The following CLSTN2 variants were observed in gnomAD, a reference collection of about 807,000 sequenced individuals.
CLSTN2 encodes the protein calsyntenin 2.
Under a neutral mutation model 101.2 loss-of-function variants are expected in CLSTN2, and 48 were observed. That is an observed-to-expected ratio of 0.47 (90% CI 0.38 to 0.60). The LOEUF (loss-of-function observed/expected upper bound fraction) is 0.60. Among genes scored for constraint, CLSTN2 ranks in the 20% least tolerant of loss-of-function variants. The pLI is 0.00. For synonymous variants in CLSTN2, 481 were observed against 463.6 expected (o/e 1.04, Z -0.48); for missense variants, 1,160 against 1,238.2 (o/e 0.94, Z 0.95).
intron 2 of CLSTN2, among the ~76,000 whole-genome samples, chr3:140,242,695 A>G (rs1320961698): frequency 6.6e-6 from 1 of 152,156 alleles, no homozygotes; most frequent in African/African-American, 2.4e-5. Flanking sequence ...TCTGCGCTTT[A>G]TGAGAGGACA....
chr3:140,556,485 T>C, intron 10 of CLSTN2, 28 bp from the exon 11 acceptor site: 11 of 1,612,968 alleles, frequency 6.8e-6, no homozygotes, highest in Non-Finnish European at 8.5e-6. Flanking sequence ...GACCATTCTC[T>C]TCCATGATGC....
chr3:139,940,440 C>A (rs1403038479), intron 1 of CLSTN2, among the ~76,000 whole-genome samples: 1 of 152,086 alleles, frequency 6.6e-6, no homozygotes, highest in Non-Finnish European at 1.5e-5. Context: ...GTTGTCAGGG[C>A]ACTTAGCCCA....
chr3:140,428,923 G>C (rs1216718126), intron 5 of CLSTN2, among the ~76,000 whole-genome samples: 1 of 152,124 alleles, frequency 6.6e-6, no homozygotes, highest in Non-Finnish European at 1.5e-5. Flanking sequence ...CAGTCAGTAG[G>C]GGGGATCTTG....
intron 4 of CLSTN2, among the ~76,000 whole-genome samples, chr3:140,416,406 C>T (rs948983685): frequency 6.6e-6 from 1 of 151,966 alleles, no homozygotes; most frequent in Non-Finnish European, 1.5e-5. Flanking sequence ...AGAAAGGTAA[C>T]TATGTGACAT....
chr3:140,347,372 A>C (rs1416690951), intron 2 of CLSTN2, among the ~76,000 whole-genome samples: 1 of 152,240 alleles, frequency 6.6e-6, no homozygotes, highest in Non-Finnish European at 1.5e-5. Context: ...GGTTTTGTTT[A>C]ATGACTGTTA....
chr3:140,336,015 T>C (rs1203612102), intron 2 of CLSTN2, among the ~76,000 whole-genome samples: 4 of 152,184 alleles, frequency 2.6e-5, no homozygotes, highest in Non-Finnish European at 5.9e-5. Context: ...CTTTAGTCTT[T>C]TGTAGTGTCA....
At chr3:140,324,823 G>A (rs1199946000) in intron 2 of CLSTN2, among the ~76,000 whole-genome samples, 1 of 152,166 alleles carries the variant, frequency 6.6e-6, no homozygotes, top group African/African-American at 2.4e-5. Context: ...AGTGAGAGAT[G>A]AGGGAGAGGA....
chr3:139,986,024 AATTAACTATTCCTG>A (rs1451859389), intron 1 of CLSTN2, among the ~76,000 whole-genome samples: 1 of 152,182 alleles, frequency 6.6e-6, no homozygotes. Context: ...GCTGGATATC[AATTAACTATTCCTG>A]ATTATCTAGC....
At chr3:140,203,656 A>C (rs1178648653) in intron 2 of CLSTN2, among the ~76,000 whole-genome samples, 1 of 152,044 alleles carries the variant, frequency 6.6e-6, no homozygotes, top group Non-Finnish European at 1.5e-5. Context: ...TATCATTTTG[A>C]AAGGCCTCCT....
At chr3:140,545,425 C>A (rs1576620738) in intron 9 of CLSTN2, among the ~76,000 whole-genome samples, 1 of 152,114 alleles carries the variant, frequency 6.6e-6, no homozygotes, top group Non-Finnish European at 1.5e-5. Context: ...GGAGGCAAAA[C>A]CCAGAAGTGT....
At chr3:140,118,795 A>G (rs903387669) in intron 1 of CLSTN2, among the ~76,000 whole-genome samples, 8 of 152,312 alleles carry the variant, frequency 5.3e-5, no homozygotes, top group Admixed American at 3.9e-4. Flanking sequence ...CATGTTCTCT[A>G]CTAAGGCAGA....
intron 1 of CLSTN2, among the ~76,000 whole-genome samples, chr3:140,133,341 A>G (rs1576439407): frequency 2.0e-5 from 3 of 152,198 alleles, no homozygotes; most frequent in African/African-American, 7.2e-5. Context: ...ATCACATTTC[A>G]ACATGAGATT....
At chr3:140,057,589 A>G (rs979681152) in intron 1 of CLSTN2, among the ~76,000 whole-genome samples, 5 of 152,116 alleles carry the variant, frequency 3.3e-5, no homozygotes, top group African/African-American at 4.8e-5. Flanking sequence ...TCATATTTAC[A>G]TTTTATTTTA....
At chr3:140,403,885 C>T in intron 3 of CLSTN2, 61 bp downstream of exon 3, 1 of 1,298,470 alleles carries the variant, frequency 7.7e-7, no homozygotes. Context: ...CCACTTCATT[C>T]ACATGCTGCT....
chr3:140,165,905 C>T (rs1186276320), intron 1 of CLSTN2, among the ~76,000 whole-genome samples: 1 of 152,202 alleles, frequency 6.6e-6, no homozygotes, highest in African/African-American at 2.4e-5. Flanking sequence ...AAAGGCTTCA[C>T]TTGGCAGCCT....
rs1287415701 is a variant in CLSTN2 at position 140,567,909 on chromosome 3, T to C, written c.*1656T>C. ...CCAGGGAGGACCCATGGCAGGTCTT[T>C]TCAACTTTCTGATTCATGAGAACAA... On this transcript the variant is annotated 3_prime_UTR_variant, in exon 17 of 17. Transcript: ENST00000458420. The C allele has an allele frequency of 6.6e-6, 1 of 152,260 alleles. No individual in the cohort carries two copies. Among genetic ancestry groups the C allele is most frequent in the Non-Finnish European group, 1.5e-5 (1 of 68,044 alleles). 9.4% of individuals were successfully genotyped at this position (152,260 alleles called of 1,614,324 possible). A position where few individuals can be genotyped will look rare whatever the true frequency, so the allele number is the denominator to read the frequency against.
chr3:140,373,766 T>G (rs1157777984), intron 2 of CLSTN2, among the ~76,000 whole-genome samples: 1 of 152,208 alleles, frequency 6.6e-6, no homozygotes, highest in Non-Finnish European at 1.5e-5. Context: ...CAATTGTCTC[T>G]TTGGAGAGCA....
intron 1 of CLSTN2, among the ~76,000 whole-genome samples, chr3:139,998,361 C>T (rs1264564876): frequency 0.04 from 162 of 4,086 alleles, 2 homozygotes; most frequent in Admixed American, 0.24. Context: ...TTTTTTGTGA[C>T]GGAGTCTCTC....
At chr3:140,476,224 T>C (rs936755117) in intron 8 of CLSTN2, among the ~76,000 whole-genome samples, 7 of 152,364 alleles carry the variant, frequency 4.6e-5, no homozygotes, top group Admixed American at 4.6e-4. Context: ...GGCCAATTCG[T>C]TGCTAATCCT....
Sources: allele counts gnomAD v4.1 joint callset (sites outside exome capture counted in the v4.1 genomes callset), GRCh38; gene constraint gnomAD v4.1.1; transcripts MANE v1.5; gene names NCBI Gene and HGNC (gene_info 2026-07-23, HGNC 2026-07-21).